Variants in MCM7 observed in about 807,000 individuals in gnomAD.
MCM7 encodes the protein DNA replication licensing factor MCM7.
Under a neutral mutation model 83.5 loss-of-function variants are expected in MCM7, and 95 were observed. That is an observed-to-expected ratio of 1.14 (90% CI 0.96 to 1.35). The LOEUF is 1.35. MCM7 is among the 40% of genes most tolerant of loss of function. The pLI is 0.00. For synonymous variants in MCM7, 461 were observed against 352.7 expected (o/e 1.31, Z -3.44); for missense variants, 1,087 against 957.4 (o/e 1.14, Z -1.79).
At position 100,095,924 on chromosome 7, in the gene MCM7, C is replaced by T; in HGVS notation, c.1445G>A (p.Cys482Tyr). The T allele has an allele frequency of 6.2e-7, 1 of 1,614,026 alleles. No individual in the cohort carries two copies. The highest frequency in any genetic ancestry group is 1.1e-5 in the South Asian group (1 of 91,076). The change falls in exon 11 of 15, where the codon TGC (cysteine) becomes TAC (tyrosine). Residue 482 changes from cysteine (C) to tyrosine (Y), a missense_variant. Transcript: ENST00000303887. ...AGILTTLNAR[C>Y]SILAAANPAY... The stretch of plus-strand genomic sequence containing the variant: ...AGGGTTGGCGGCAGCCAGGATGGAG[C>T]AGCGGGCATTGAGTGTGGTGAGAAT...
intron 2 of MCM7, 44 bp from the exon 3 acceptor site, chr7:100,099,797 T>TAG (rs1562899447): frequency 1.2e-6 from 2 of 1,607,560 alleles, no homozygotes; most frequent in Non-Finnish European, 1.7e-6. Context: ...CCACATTCAC[T>TAG]TTGCTCACCA....
At chr7:100,100,169 G>C (rs927011136) in intron 1 of MCM7, 76 bp from the exon 2 acceptor site, 3 of 1,570,168 alleles carry the variant, frequency 1.9e-6, no homozygotes, top group Non-Finnish European at 1.7e-6. Flanking sequence ...CTTAAAACAC[G>C]ACCTATGAAC....
At chr7:100,094,453 G>T (rs1795512368) in intron 12 of MCM7, 112 bp from the exon 13 acceptor site, 1 of 1,248,414 alleles carries the variant, frequency 8.0e-7, no homozygotes. Flanking sequence ...TCCCCTCCAA[G>T]AATTTTAAGT....
At chr7:100,100,159 C>T (rs1237257322) in intron 1 of MCM7, 66 bp from the exon 2 acceptor site, 2 of 1,587,198 alleles carry the variant, frequency 1.3e-6, no homozygotes, top group Non-Finnish European at 1.7e-6. Flanking sequence ...CCCATTTTCG[C>T]TTAAAACACG....
intron 1 of MCM7, 171 bp from the exon 2 acceptor site, chr7:100,100,264 C>T: frequency 2.2e-6 from 3 of 1,390,012 alleles, no homozygotes; most frequent in Admixed American, 3.0e-5. Flanking sequence ...TGTTTCTAAC[C>T]AGCGAAGAAT....
At chr7:100,093,770 G>A (rs372015556) in intron 13 of MCM7, 31 of 606,420 alleles carry the variant, frequency 5.1e-5, no homozygotes, top group African/African-American at 4.0e-4. Context: ...AACGTGTCCC[G>A]GGGGCTCGGG....
In MCM7 at chr7:100,100,112, A is replaced by G; in HGVS notation, c.32-19T>C. 6.2e-7 allele frequency: 1 copy of G among 1,613,450 alleles called. No individual in the cohort carries two copies. Among genetic ancestry groups the G allele is most frequent in the Non-Finnish European group, 8.5e-7 (1 of 1,179,598 alleles). On this transcript the variant is annotated intron_variant, in intron 1 of 14. Transcript: ENST00000303887. Reference sequence around the variant, plus strand: ...ACCTTTTCTGTAACATGAAATGTAAAACCGTAAGACACAAACTTTAAGACA... The same window carrying G: ...ACCTTTTCTGTAACATGAAATGTAAGACCGTAAGACACAAACTTTAAGACA...
chr7:100,099,803 C>A, intron 2 of MCM7, 50 bp from the exon 3 acceptor site: 1 of 1,603,024 alleles, frequency 6.2e-7, no homozygotes, highest in South Asian at 1.1e-5. Context: ...TCACTTTGCT[C>A]ACCAGTGTTC....
chr7:100,101,259 C>G lies in MCM7; in HGVS notation c.31+5G>C. The G allele has an allele frequency of 6.2e-7, 1 of 1,613,186 alleles. No individual in the cohort carries two copies. Among genetic ancestry groups the G allele is most frequent in the Non-Finnish European group, 8.5e-7 (1 of 1,179,898 alleles). On this transcript the variant is annotated splice_donor_5th_base_variant and intron_variant, in intron 1 of 14. Transcript: ENST00000303887. ...GGACGCCCTCCCGGGCTCGTAGACC[C>G]GTACCCTTCTCTAGCGCGTAGTCCT...
chr7:100,098,187 C>T lies in MCM7; in HGVS notation c.824G>A (p.Gly275Asp). Residue 275 changes from glycine to aspartate, a missense_variant, in exon 7 of 15, where the codon GGT becomes GAT. Coordinates refer to ENST00000303887, the MANE Select transcript of MCM7 (RefSeq NM_005916.5). Reference sequence around the variant, plus strand: ...AGTGCGCAGGATTGGCAAGAAAATACCAGTGACGCTGACGTGGTCTCCAGG... The same window carrying T: ...AGTGCGCAGGATTGGCAAGAAAATATCAGTGACGCTGACGTGGTCTCCAGG... ...AQPGDHVSVT[G>D]IFLPILRTGF... The T allele has an allele frequency of 6.2e-7, 1 of 1,614,146 alleles. No individual in the cohort carries two copies. The highest frequency in any genetic ancestry group is 1.1e-5 in the South Asian group (1 of 91,074).
intron 9 of MCM7, 44 bp downstream of exon 9, chr7:100,097,570 A>G (rs773626970): frequency 6.2e-7 from 1 of 1,611,724 alleles, no homozygotes; most frequent in Non-Finnish European, 8.5e-7. Context: ...TTTTCCTCCT[A>G]AATGACTTCA....
chr7:100,100,191 A>C, intron 1 of MCM7, 98 bp from the exon 2 acceptor site: 1 of 1,499,950 alleles, frequency 6.7e-7, no homozygotes, highest in South Asian at 1.3e-5. Flanking sequence ...AATTAATAAT[A>C]TGAGCATTTA....
At chr7:100,100,522 C>G in intron 1 of MCM7, 2 of 1,001,072 alleles carry the variant, frequency 2.0e-6, no homozygotes, top group African/African-American at 3.5e-5. Context: ...ATCGCTTCCG[C>G]TCTTAGTAAA....
rs1032993373 is a variant in MCM7, at chr7:100,098,278, G to C, written c.733C>G (p.Pro245Ala). The change falls in exon 7 of 15, where the codon CCT becomes GCT. Residue 245 changes from proline to alanine, a missense_variant. Coordinates refer to ENST00000303887, the MANE Select transcript of MCM7 (RefSeq NM_005916.5). Reference protein sequence around the residue: ...MKMQEHSDQVPVGNIPRSITV... With the variant: ...MKMQEHSDQVAVGNIPRSITV... ...ATACTACGAGGGATATTTCCCACAG[G>C]CACCTGATCACTCTAGGGGAGGGAA... 3 of 1,613,970 alleles carry C rather than the reference G, an allele frequency of 1.9e-6. No individual in the cohort carries two copies. Among genetic ancestry groups the C allele is most frequent in the African/African-American group, 2.7e-5 (2 of 74,884 alleles).
intron 1 of MCM7, 36 bp downstream of exon 1, chr7:100,101,228 C>T: frequency 1.2e-6 from 2 of 1,612,462 alleles, no homozygotes; most frequent in Non-Finnish European, 1.7e-6. Context: ...GGAGGCTCCC[C>T]GCGCAGGACG....
chr7:100,094,252 C>T lies in MCM7; in HGVS notation c.1769G>A (p.Arg590Gln), dbSNP rs368449945. The T allele has an allele frequency of 2.8e-5, 46 of 1,614,218 alleles. No homozygotes were observed. The East Asian group carries it at 7.4e-4, about 26-fold the overall frequency. ...YITAAYVEMR[R>Q]EAWASKDATY... ...GGCATCCTTACTAGCCCAAGCCTCT[C>T]GCCTCATCTCCACGTATGCTGCTGT... The change falls in exon 13 of 15, where the codon CGA becomes CAA. Residue 590 changes from arginine (R) to glutamine (Q), a missense_variant. Transcript: ENST00000303887.
chr7:100,098,215 G>A lies in MCM7; in HGVS notation c.796C>T (p.Gln266Ter). The change falls in exon 7 of 15, where the codon CAG becomes TAG. Residue 266 changes from glutamine to a stop codon, truncating the protein, a stop_gained. Transcript: ENST00000303887. LOFTEE classifies it high-confidence loss of function. ...LVEGENTRIA[Q>*]PGDHVSVTGI... ...GTGACGCTGACGTGGTCTCCAGGCTGGGCAATCCTTGTGTTCTCTCCTTCT... is the reference window on the plus strand; with the variant it reads ...GTGACGCTGACGTGGTCTCCAGGCTAGGCAATCCTTGTGTTCTCTCCTTCT... The A allele has an allele frequency of 1.2e-6, 2 of 1,614,068 alleles. No homozygotes were observed. Among genetic ancestry groups the A allele is most frequent in the Non-Finnish European group, 8.5e-7 (1 of 1,179,988 alleles).
Position 100,095,455 on chromosome 7 carries a change from G to A in MCM7, c.1611C>T (p.Ile537=), listed in dbSNP as rs12267. The A allele has an allele frequency of 0.25, 400,887 of 1,612,548 alleles. 54,135 individuals carry two copies. Among genetic ancestry groups the A allele is most frequent in the Middle Eastern group, 0.45 (2,702 of 6,038 alleles). The change falls in exon 12 of 15, where the codon ATC becomes ATT. Residue 537 remains isoleucine (I), a synonymous_variant. Transcript: ENST00000303887. ...RDNDLRLAQH[I]TYVHQHSRQP... ...GCCGGCTGTGCTGGTGCACATAGGT[G>A]ATGTGCTGGGCCAACCTGGACAGAG...
intron 1 of MCM7, chr7:100,100,851 T>A: frequency 9.8e-7 from 1 of 1,021,478 alleles, no homozygotes; most frequent in South Asian, 4.0e-5. Context: ...GGCCCCGGCC[T>A]GCCCGCCCCC....
Sources: allele counts gnomAD v4.1 joint callset, GRCh38; gene constraint gnomAD v4.1.1; transcripts MANE v1.5; gene names NCBI Gene and HGNC (gene_info 2026-07-23, HGNC 2026-07-21).